Variants in ABI1 observed in about 807,000 individuals in gnomAD.
ABI1 encodes the protein abl interactor 1.
Under a neutral mutation model 54.6 loss-of-function variants are expected in ABI1, and 14 were observed. The ratio of observed to expected loss-of-function variants is 0.26; its 90% CI spans 0.17 to 0.40. The LOEUF is 0.40. ABI1 is among the 10% of genes least tolerant of loss of function. The pLI is 1.00. For synonymous variants in ABI1, 194 were observed against 209.3 expected (o/e 0.93, Z 0.63); for missense variants, 443 against 598.3 (o/e 0.74, Z 2.71).
At chr10:26,852,786 G>T (rs2050500015) in intron 1 of ABI1, among the ~76,000 whole-genome samples, 1 of 152,112 alleles carries the variant, frequency 6.6e-6, no homozygotes. Flanking sequence ...GTTTTTGCTG[G>T]TCGGGCATGG....
intron 2 of ABI1, among the ~76,000 whole-genome samples, chr10:26,788,104 T>G (rs1486477034): frequency 6.6e-6 from 1 of 152,196 alleles, no homozygotes. Flanking sequence ...TCGGTTTCCC[T>G]CATACTGTTC....
intron 1 of ABI1, among the ~76,000 whole-genome samples, chr10:26,834,427 A>G (rs1316084841): frequency 6.6e-6 from 1 of 152,150 alleles, no homozygotes; most frequent in Non-Finnish European, 1.5e-5. Flanking sequence ...CAAACTATCC[A>G]TCTGACACAG....
chr10:26,792,005 C>G (rs372888079), intron 2 of ABI1, among the ~76,000 whole-genome samples: 1 of 152,050 alleles, frequency 6.6e-6, no homozygotes, highest in African/African-American at 2.4e-5. Context: ...GCAAGCCATG[C>G]TAGACTACAT....
chr10:26,791,687 A>C (rs781236848), intron 2 of ABI1, among the ~76,000 whole-genome samples: 1 of 152,190 alleles, frequency 6.6e-6, no homozygotes, highest in Non-Finnish European at 1.5e-5. Context: ...AACAGAAGAG[A>C]GAATTCAGAA....
chr10:26,759,023 G>T (rs1300679528), intron 8 of ABI1, 39 bp downstream of exon 8: 3 of 1,561,710 alleles, frequency 1.9e-6, no homozygotes, highest in Non-Finnish European at 2.6e-6. Flanking sequence ...TTCAAAAGGA[G>T]CTCCACTGTT....
intron 10 of ABI1, among the ~76,000 whole-genome samples, chr10:26,750,054 C>A (rs7078227): frequency 2.0e-5 from 3 of 152,010 alleles, no homozygotes; most frequent in Non-Finnish European, 2.9e-5. Context: ...TAATTGGCTT[C>A]ACCAAGTAAG....
At chr10:26,824,627 A>G (rs1205394507) in intron 1 of ABI1, among the ~76,000 whole-genome samples, 1 of 152,182 alleles carries the variant, frequency 6.6e-6, no homozygotes, top group Admixed American at 6.5e-5. Flanking sequence ...AAAATGTGGG[A>G]AAAAATGTGT....
rs141605412 is a variant in ABI1, at chr10:26,758,470, C to T, written c.997+592G>A. Reference sequence around the variant, plus strand: ...TTCTTTTCTTACCAGCTTTTAAACACTGACTGCAATTAGTGTTGAGATGTG... The same window carrying T: ...TTCTTTTCTTACCAGCTTTTAAACATTGACTGCAATTAGTGTTGAGATGTG... On this transcript the variant is annotated intron_variant, in intron 8 of 10. Coordinates refer to ENST00000376140, the MANE Select transcript of ABI1 (RefSeq NM_001012750.3). Among the ~76,000 whole-genome samples, 929 of 152,266 alleles carry T rather than the reference C, an allele frequency of 6.1e-3. 5 individuals carry two copies. The highest frequency in any genetic ancestry group is 9.7e-3 in the Non-Finnish European group (663 of 68,018).
At position 26,766,537 on chromosome 10, in the gene ABI1, T is replaced by C. The variant is rs186699116; in HGVS notation, c.720-1219A>G. 2.0e-5 allele frequency among the ~76,000 whole-genome samples: 3 copies of C among 152,356 alleles called. No individual in the cohort carries two copies. The East Asian group carries it at 5.8e-4, about 29-fold the overall frequency. On this transcript the variant is annotated intron_variant, in intron 6 of 10. Transcript: ENST00000376140. ...ATCATTCTATAATTAGATTATCATA[T>C]GTTAATGGAAGAAAAAGAAAAAAGT...
intron 1 of ABI1, among the ~76,000 whole-genome samples, chr10:26,841,654 T>C (rs1220883021): frequency 6.6e-6 from 1 of 152,010 alleles, no homozygotes; most frequent in African/African-American, 2.4e-5. Context: ...CTCTTTTTTT[T>C]TATTTTTTTT....
intron 1 of ABI1, among the ~76,000 whole-genome samples, chr10:26,839,513 GA>G (rs942129395): frequency 2.0e-5 from 3 of 151,236 alleles, no homozygotes; most frequent in African/African-American, 7.3e-5. Context: ...AAAATAAGGG[GA>G]AAAAAAGGTA....
At chr10:26,757,353 T>C (rs1838447916) in intron 8 of ABI1, among the ~76,000 whole-genome samples, 1 of 152,148 alleles carries the variant, frequency 6.6e-6, no homozygotes, top group Non-Finnish European at 1.5e-5. Flanking sequence ...GTATACGGTT[T>C]GAAAATAATC....
intron 2 of ABI1, among the ~76,000 whole-genome samples, chr10:26,788,486 T>C (rs1013902202): frequency 6.6e-6 from 1 of 152,212 alleles, no homozygotes. Flanking sequence ...AAAATATTAA[T>C]ATGAAAACAT....
chr10:26,784,637 G>C (rs923757341), intron 2 of ABI1, among the ~76,000 whole-genome samples: 1 of 152,186 alleles, frequency 6.6e-6, no homozygotes, highest in Non-Finnish European at 1.5e-5. Flanking sequence ...AGTATTTCTT[G>C]TTTGGAAGTC....
intron 1 of ABI1, among the ~76,000 whole-genome samples, chr10:26,853,929 G>A (rs1431587760): frequency 6.6e-6 from 1 of 152,076 alleles, no homozygotes; most frequent in Non-Finnish European, 1.5e-5. Context: ...CCAACCTCTT[G>A]TCCCAATATG....
intron 2 of ABI1, among the ~76,000 whole-genome samples, chr10:26,782,487 G>A (rs917868837): frequency 3.3e-5 from 5 of 152,276 alleles, no homozygotes; most frequent in Non-Finnish European, 7.4e-5. Flanking sequence ...CACTTTGGGA[G>A]GCCGAGGCGG....
At chr10:26,835,104 A>AC (rs2048968797) in intron 1 of ABI1, among the ~76,000 whole-genome samples, 1 of 140,766 alleles carries the variant, frequency 7.1e-6, no homozygotes, top group South Asian at 2.2e-4. Flanking sequence ...AAAAAAAAAA[A>AC]AAAAAAAAAA....
intron 7 of ABI1, among the ~76,000 whole-genome samples, chr10:26,761,510 T>C (rs1459778317): frequency 6.7e-6 from 1 of 149,586 alleles, no homozygotes; most frequent in East Asian, 2.0e-4. Context: ...GCTCAAGAAA[T>C]CGAATATTAA....
At chr10:26,833,769 T>TACACACAC (rs61653104) in intron 1 of ABI1, among the ~76,000 whole-genome samples, 13,106 of 150,184 alleles carry the variant, frequency 0.087, 1,007 homozygotes, top group African/African-American at 0.21. Flanking sequence ...ACAATATTTA[T>TACACACAC]ACACACACAC....
Sources: gnomAD v4.1 joint callset for allele counts (sites outside exome capture counted in the v4.1 genomes callset) on GRCh38, gnomAD v4.1.1 for gene constraint, MANE v1.5 for transcripts, NCBI Gene and HGNC (gene_info 2026-07-23, HGNC 2026-07-21) for gene names.